ITGA6: variants seen among roughly 807,000 people sequenced by gnomAD.
ITGA6 encodes the protein integrin subunit alpha 6.
Under a neutral mutation model 133.6 loss-of-function variants are expected in ITGA6, and 63 were observed. The observed-to-expected ratio is 0.47, with a 90% CI of 0.38 to 0.58. ITGA6 has a LOEUF of 0.58. Ranked by LOEUF, ITGA6 falls within the 20% of genes least tolerant of loss-of-function variation. The pLI, the probability that ITGA6 is intolerant of heterozygous loss-of-function variation, is 0.00. For synonymous variants in ITGA6, 434 were observed against 482.0 expected (o/e 0.90, Z 1.30); for missense variants, 1,068 against 1,309.4 (o/e 0.82, Z 2.85).
At position 172,487,001 on chromosome 2, in the gene ITGA6, AAT is replaced by A; in HGVS notation, c.1855-20_1855-19del. On this transcript the variant is annotated intron_variant, in intron 13 of 25. Coordinates refer to ENST00000684293, the MANE Select transcript of ITGA6 (RefSeq NM_000210.4). ...TGAGTCCTGAATGGTGTAAATTGAC[AAT>A]AGTTTTCGTTTTCCTACAGGTTCAC... The A allele has an allele frequency of 2.3e-6, 3 of 1,332,150 alleles. No homozygotes were observed. Among genetic ancestry groups the A allele is most frequent in the Middle Eastern group, 1.8e-4 (1 of 5,530 alleles). The allele number at this position is 1,332,150 out of a possible 1,614,324, so 82.5% of individuals were successfully genotyped here.
chr2:172,437,893 G>C lies in ITGA6; in HGVS notation c.182+9923G>C, dbSNP rs1480565495. On this transcript the variant is annotated intron_variant, in intron 1 of 25. Coordinates refer to ENST00000684293, the MANE Select transcript of ITGA6 (RefSeq NM_000210.4). The stretch of plus-strand genomic sequence containing the variant: ...CACATGATGGGGTTTCAAAGAGGAA[G>C]TGAAAGATCAGTTATATCAAATGAC... Among the ~76,000 whole-genome samples, 2 of 151,764 alleles carry C rather than the reference G, an allele frequency of 1.3e-5. 1 individual carries two copies. The highest frequency in any genetic ancestry group is 1.3e-4 in the Admixed American group (2 of 15,202).
chr2:172,444,742 C>T (rs369680634), intron 1 of ITGA6, among the ~76,000 whole-genome samples: 3 of 137,556 alleles, frequency 2.2e-5, no homozygotes, highest in East Asian at 2.5e-4. Context: ...TAGGAACCCC[C>T]CTAATCGCCA....
intron 1 of ITGA6, among the ~76,000 whole-genome samples, chr2:172,434,428 A>G (rs1212743854): frequency 1.3e-5 from 2 of 152,118 alleles, no homozygotes; most frequent in East Asian, 3.9e-4. Context: ...ACGATCTCAA[A>G]CCAGCATACC....
intron 24 of ITGA6, among the ~76,000 whole-genome samples, chr2:172,500,725 T>C (rs964495327): frequency 6.6e-6 from 1 of 152,204 alleles, no homozygotes; most frequent in Non-Finnish European, 1.5e-5. Flanking sequence ...GCACATATTA[T>C]TGAAAGCTGC....
At chr2:172,453,252 C>T (rs1685080455) in intron 1 of ITGA6, among the ~76,000 whole-genome samples, 3 of 151,844 alleles carry the variant, frequency 2.0e-5, no homozygotes, top group Admixed American at 1.3e-4. Flanking sequence ...CAGGGCTGGG[C>T]GCAGTGGCTC....
intron 1 of ITGA6, among the ~76,000 whole-genome samples, chr2:172,459,852 A>G (rs1238093367): frequency 6.6e-6 from 1 of 152,344 alleles, no homozygotes; most frequent in Non-Finnish European, 1.5e-5. Flanking sequence ...TCAGGTCTAC[A>G]TTGCTGCAGA....
chr2:172,479,050 A>T (rs1686304481), intron 9 of ITGA6, among the ~76,000 whole-genome samples: 2 of 152,198 alleles, frequency 1.3e-5, no homozygotes, highest in Non-Finnish European at 2.9e-5. Context: ...GATAAACTCA[A>T]GTGTGTGCAC....
At chr2:172,457,950 T>A (rs1342947520) in intron 1 of ITGA6, among the ~76,000 whole-genome samples, 1 of 151,998 alleles carries the variant, frequency 6.6e-6, no homozygotes, top group East Asian at 1.9e-4. Flanking sequence ...AGGAGCCAAG[T>A]CTAGAGTTCA....
chr2:172,483,237 A>AG (rs1355492325), intron 11 of ITGA6, among the ~76,000 whole-genome samples: 4 of 152,122 alleles, frequency 2.6e-5, no homozygotes, highest in Non-Finnish European at 5.9e-5. Flanking sequence ...GGCTGAGGGA[A>AG]GGAGTGACTC....
At chr2:172,454,974 G>A (rs1205777364) in intron 1 of ITGA6, among the ~76,000 whole-genome samples, 1 of 152,046 alleles carries the variant, frequency 6.6e-6, no homozygotes, top group South Asian at 2.1e-4. Flanking sequence ...AAACCTGCAT[G>A]TGTACCCCCA....
Position 172,504,080 on chromosome 2 carries a change from C to T in ITGA6, c.*23-11C>T. 6.4e-7 allele frequency: 1 copy of T among 1,553,946 alleles called. No individual in the cohort carries two copies. The highest frequency in any genetic ancestry group is 8.7e-7 in the Non-Finnish European group (1 of 1,152,346). ...TTAATTTGTTTCTCTTTCTCTTTCC[C>T]TCTTCTCTAGTGTGGATTCTTTAAA... On this transcript the variant is annotated splice_polypyrimidine_tract_variant and intron_variant, in intron 25 of 25. Coordinates refer to ENST00000684293, the MANE Select transcript of ITGA6 (RefSeq NM_000210.4).
At position 172,504,217 on chromosome 2, in the gene ITGA6, A is replaced by G; in HGVS notation, c.*149A>G. 2 of 1,585,820 alleles carry G rather than the reference A, an allele frequency of 1.3e-6. No individual in the cohort carries two copies. The highest frequency in any genetic ancestry group is 1.7e-4 in the Middle Eastern group (1 of 6,018). On this transcript the variant is annotated 3_prime_UTR_variant, in exon 26 of 26. Transcript: ENST00000684293. ...TGATAACCTTGAAAAAAAACAGTGGATCACAAAGTGGAACGAAAATGAAAG... is the reference window on the plus strand; with the variant it reads ...TGATAACCTTGAAAAAAAACAGTGGGTCACAAAGTGGAACGAAAATGAAAG...
intron 12 of ITGA6, 77 bp from the exon 13 acceptor site, chr2:172,485,044 A>C: frequency 6.3e-7 from 1 of 1,594,760 alleles, no homozygotes; most frequent in Non-Finnish European, 8.6e-7. Context: ...CCTCTTAATC[A>C]ATACAAAATC....
chr2:172,504,386 G>A lies in ITGA6; in HGVS notation c.*318G>A. On this transcript the variant is annotated 3_prime_UTR_variant, in exon 26 of 26. Transcript: ENST00000684293. ...TGACTACACACAGTACGAACCTACA[G>A]TTTTAACTGTGGATATTGTTACGTA... 3.4e-6 allele frequency: 2 copies of A among 586,650 alleles called. No homozygotes were observed. The highest frequency in any genetic ancestry group is 6.1e-5 in the East Asian group (2 of 32,690). 36.3% of individuals were successfully genotyped at this position (586,650 alleles called of 1,614,324 possible).
At chr2:172,431,364 A>G (rs1684098095) in intron 1 of ITGA6, among the ~76,000 whole-genome samples, 1 of 152,234 alleles carries the variant, frequency 6.6e-6, no homozygotes, top group Admixed American at 6.5e-5. Flanking sequence ...TCAGACCTAG[A>G]GAAATCGGCA....
intron 9 of ITGA6, among the ~76,000 whole-genome samples, chr2:172,478,680 G>T (rs754960888): frequency 1.3e-5 from 2 of 152,232 alleles, no homozygotes; most frequent in Non-Finnish European, 1.5e-5. Context: ...TGTTTGCGGG[G>T]TTGCAGTAGG....
chr2:172,491,037 CAAGA>C lies in ITGA6; in HGVS notation c.2700_2703del (p.Lys900AsnfsTer9). 1 of 1,571,034 alleles carries C rather than the reference CAAGA, an allele frequency of 6.4e-7. No individual in the cohort carries two copies. Among genetic ancestry groups the C allele is most frequent in the Non-Finnish European group, 8.8e-7 (1 of 1,142,042 alleles). On this transcript the variant is annotated frameshift_variant, in exon 21 of 26. Coordinates refer to ENST00000684293, the MANE Select transcript of ITGA6 (RefSeq NM_000210.4). LOFTEE classifies it high-confidence loss of function. The surrounding 1 kb of genome is among the most constrained non-coding windows in gnomAD (Gnocchi z 4.4). ...AATTTTTTTCAGGAGTCTCACAACT[CAAGA>C]AAGAAACGGGAAATTACTGAAAAAC...
At chr2:172,453,191 G>A (rs1423712346) in intron 1 of ITGA6, among the ~76,000 whole-genome samples, 1 of 152,056 alleles carries the variant, frequency 6.6e-6, no homozygotes, top group East Asian at 1.9e-4. Flanking sequence ...ACAATGCTAT[G>A]TTAATTATAA....
At chr2:172,436,909 G>C (rs189343039) in intron 1 of ITGA6, among the ~76,000 whole-genome samples, 120 of 152,358 alleles carry the variant, frequency 7.9e-4, no homozygotes, top group African/African-American at 2.9e-3. Flanking sequence ...TAATGCAAGA[G>C]AGGGGAGAAT....
Sources: allele counts gnomAD v4.1 joint callset (sites outside exome capture counted in the v4.1 genomes callset), GRCh38; gene constraint gnomAD v4.1.1; non-coding constraint Gnocchi (gnomAD v3.1); transcripts MANE v1.5; gene names NCBI Gene and HGNC (gene_info 2026-07-23, HGNC 2026-07-21).